The following FAM241A variants were observed in gnomAD, a reference collection of about 807,000 sequenced individuals.
The protein encoded by FAM241A is family with sequence similarity 241 member A, also known as uncharacterized protein FAM241A.
FAM241A carries 7 observed loss-of-function variants against 12.2 expected under a neutral mutation model. That is an observed-to-expected ratio of 0.58 (90% CI 0.33 to 1.08). FAM241A has a LOEUF of 1.08. Ranked by LOEUF, FAM241A falls within the 50% of genes least tolerant of loss-of-function variation. FAM241A has a pLI of 0.04. For missense variants in FAM241A, 161 were observed against 169.7 expected, an observed-to-expected ratio of 0.95 and a Z score of 0.29; for synonymous variants, 74 against 68.2, an observed-to-expected ratio of 1.08 and a Z score of -0.42.
intron 1 of FAM241A, among the ~76,000 whole-genome samples, chr4:112,157,047 C>T (rs1175453888): frequency 6.6e-6 from 1 of 151,980 alleles, no homozygotes; most frequent in Admixed American, 6.6e-5. Flanking sequence ...TCAATTGTGA[C>T]AATGTTAAAT....
chr4:112,191,582 A>G lies in FAM241A; in HGVS notation c.*4644A>G, dbSNP rs1724165274. 6.6e-6 allele frequency: 1 copy of G among 152,282 alleles called. No homozygotes were observed. Among genetic ancestry groups the G allele is most frequent in the Admixed American group, 6.5e-5 (1 of 15,280 alleles). The allele number at this position is 152,282 out of a possible 1,614,324, so 9.4% of individuals were successfully genotyped here. A position where few individuals can be genotyped will look rare whatever the true frequency, so the allele number is the denominator to read the frequency against. Reference sequence around the variant, plus strand: ...TTTTCCCCAGTTCCTTTAAAGAGACATGCTTTCTTACTTCCAGAACTTTGT... The same window carrying G: ...TTTTCCCCAGTTCCTTTAAAGAGACGTGCTTTCTTACTTCCAGAACTTTGT... On this transcript the variant is annotated 3_prime_UTR_variant, in exon 2 of 2. Transcript: ENST00000309733.
chr4:112,145,952 C>T (rs1723128243), intron 1 of FAM241A, among the ~76,000 whole-genome samples: 1 of 152,006 alleles, frequency 6.6e-6, no homozygotes, highest in African/African-American at 2.4e-5. Context: ...AGCGCCGGCC[C>T]CGGGGTCGCG....
intron 1 of FAM241A, among the ~76,000 whole-genome samples, chr4:112,186,263 T>G (rs1724036750): frequency 6.6e-6 from 1 of 152,230 alleles, no homozygotes; most frequent in Admixed American, 6.5e-5. Flanking sequence ...CGCTGAAGTC[T>G]GCTTAGCTGA....
chr4:112,179,251 T>C (rs1220390904), intron 1 of FAM241A, among the ~76,000 whole-genome samples: 1 of 152,178 alleles, frequency 6.6e-6, no homozygotes, highest in Non-Finnish European at 1.5e-5. Context: ...AGGGTTTTTA[T>C]GGTTTTAGGT....
At chr4:112,180,810 T>G (rs1723927902) in intron 1 of FAM241A, among the ~76,000 whole-genome samples, 1 of 152,180 alleles carries the variant, frequency 6.6e-6, no homozygotes, top group Admixed American at 6.6e-5. Context: ...CTCTTGAGCC[T>G]CTAGGAAGAA....
In FAM241A at chr4:112,194,674, C is replaced by T. The variant is rs918742744; in HGVS notation, c.*7736C>T. 1.1e-4 allele frequency: 17 copies of T among 152,078 alleles called. No homozygotes were observed. The highest frequency in any genetic ancestry group is 4.6e-4 in the Admixed American group (7 of 15,270). The allele number at this position is 152,078 out of a possible 1,614,324, so 9.4% of individuals were successfully genotyped here. A position where few individuals can be genotyped will look rare whatever the true frequency, so the allele number is the denominator to read the frequency against. On this transcript the variant is annotated 3_prime_UTR_variant, in exon 2 of 2. Transcript: ENST00000309733. ...ATTGATTGATTTGCGTATATTGAAC[C>T]AGCCTTGCATCCCAGGGATGAAGCC...
At chr4:112,167,958 A>G (rs376981158) in intron 1 of FAM241A, among the ~76,000 whole-genome samples, 26 of 152,352 alleles carry the variant, frequency 1.7e-4, no homozygotes, top group African/African-American at 4.8e-4. Flanking sequence ...GTAAGCAGCC[A>G]TCAGTCTGAC....
rs537441471 is a variant in FAM241A at position 112,147,220 on chromosome 4, A to G, written c.153+1487A>G. Reference sequence around the variant, plus strand: ...GGATAAAACAAAAAATGAAAAGTACATCTTAGAAAACATATCACTTTGCAT... The same window carrying G: ...GGATAAAACAAAAAATGAAAAGTACGTCTTAGAAAACATATCACTTTGCAT... On this transcript the variant is annotated intron_variant, in intron 1 of 1. Coordinates refer to ENST00000309733, the MANE Select transcript of FAM241A (RefSeq NM_152400.3). Among the ~76,000 whole-genome samples, 5 of 152,382 alleles carry G rather than the reference A, an allele frequency of 3.3e-5. 1 individual carries two copies. The highest frequency in any genetic ancestry group is 9.6e-5 in the African/African-American group (4 of 41,598).
chr4:112,181,107 A>T (rs1034177664), intron 1 of FAM241A, among the ~76,000 whole-genome samples: 1 of 152,160 alleles, frequency 6.6e-6, no homozygotes, highest in African/African-American at 2.4e-5. Flanking sequence ...TAAAGAGAAA[A>T]TTACTCTTAG....
chr4:112,155,898 A>G (rs1723343572), intron 1 of FAM241A, among the ~76,000 whole-genome samples: 1 of 152,240 alleles, frequency 6.6e-6, no homozygotes, highest in Non-Finnish European at 1.5e-5. Flanking sequence ...AACCTTATGA[A>G]CAGATACTAT....
chr4:112,170,459 A>G (rs1012056530), intron 1 of FAM241A, among the ~76,000 whole-genome samples: 5 of 152,246 alleles, frequency 3.3e-5, no homozygotes, highest in African/African-American at 7.2e-5. Context: ...TAAAAGTTGT[A>G]TGAATGTGGT....
chr4:112,156,054 A>G (rs898646842), intron 1 of FAM241A, among the ~76,000 whole-genome samples: 2 of 152,218 alleles, frequency 1.3e-5, no homozygotes, highest in African/African-American at 4.8e-5. Flanking sequence ...TGGCCATGAA[A>G]TCAATTTAGT....
intron 1 of FAM241A, among the ~76,000 whole-genome samples, chr4:112,153,417 C>T (rs1723282570): frequency 6.6e-6 from 1 of 152,218 alleles, no homozygotes; most frequent in Non-Finnish European, 1.5e-5. Context: ...CTTAGCAACA[C>T]TGTCTTCATT....
At chr4:112,180,379 G>C (rs1200279830) in intron 1 of FAM241A, among the ~76,000 whole-genome samples, 1 of 152,054 alleles carries the variant, frequency 6.6e-6, no homozygotes, top group African/African-American at 2.4e-5. Context: ...TTTTAAAAGA[G>C]CTAAAGAAAT....
intron 1 of FAM241A, among the ~76,000 whole-genome samples, chr4:112,179,697 T>C (rs1723889468): frequency 6.8e-6 from 1 of 146,408 alleles, no homozygotes. Flanking sequence ...CCCTAGAACT[T>C]AAAGTATAAT....
At chr4:112,170,394 T>A (rs1231290244) in intron 1 of FAM241A, among the ~76,000 whole-genome samples, 1 of 152,174 alleles carries the variant, frequency 6.6e-6, no homozygotes, top group East Asian at 1.9e-4. Context: ...AAAGACACAG[T>A]AAGAGATTAA....
rs2110440763 is a variant in FAM241A at position 112,194,714 on chromosome 4, G to GT, written c.*7776_*7777insT. The GT allele has an allele frequency of 6.6e-6, 1 of 152,254 alleles. No individual in the cohort carries two copies. The highest frequency in any genetic ancestry group is 6.5e-5 in the Admixed American group (1 of 15,286). The allele number at this position is 152,254 out of a possible 1,614,324, so 9.4% of individuals were successfully genotyped here. A position where few individuals can be genotyped will look rare whatever the true frequency, so the allele number is the denominator to read the frequency against. Reference sequence around the variant, plus strand: ...GGGATGAAGCCCACTTGAACATGGTGGATAAGCTTTTTGATGTGCTGCTGG... The same window carrying GT: ...GGGATGAAGCCCACTTGAACATGGTGTGATAAGCTTTTTGATGTGCTGCTGG... On this transcript the variant is annotated 3_prime_UTR_variant, in exon 2 of 2. Coordinates refer to ENST00000309733, the MANE Select transcript of FAM241A (RefSeq NM_152400.3).
chr4:112,145,846 T>G (rs1723125785), intron 1 of FAM241A, 113 bp downstream of exon 1: 6 of 594,328 alleles, frequency 1.0e-5, no homozygotes, highest in Non-Finnish European at 1.3e-5. Flanking sequence ...CTGCCCCGCG[T>G]GGGCACTGGC....
rs1724182850 is a variant in FAM241A, at chr4:112,192,336, T to C, written c.*5398T>C. Reference sequence around the variant, plus strand: ...TATTTACTACATTTTAATTTTTTAATTTTTTTCTTTTATTTTATTGTTATT... The same window carrying C: ...TATTTACTACATTTTAATTTTTTAACTTTTTTCTTTTATTTTATTGTTATT... On this transcript the variant is annotated 3_prime_UTR_variant, in exon 2 of 2. Transcript: ENST00000309733. 1 of 151,562 alleles carries C rather than the reference T, an allele frequency of 6.6e-6. No individual in the cohort carries two copies. Among genetic ancestry groups the C allele is most frequent in the Admixed American group, 6.6e-5 (1 of 15,090 alleles). 9.4% of individuals were successfully genotyped at this position (151,562 alleles called of 1,614,324 possible). A position where few individuals can be genotyped will look rare whatever the true frequency, so the allele number is the denominator to read the frequency against.
Sources: allele counts gnomAD v4.1 joint callset (sites outside exome capture counted in the v4.1 genomes callset), GRCh38; gene constraint gnomAD v4.1.1; transcripts MANE v1.5; gene names NCBI Gene and HGNC (gene_info 2026-07-23, HGNC 2026-07-21).